PACRG: variants seen among roughly 807,000 people sequenced by gnomAD.
PACRG encodes parkin coregulated, also known as parkin coregulated gene protein.
A neutral mutation model predicts 29.7 loss-of-function variants in PACRG; 29 were observed. The observed-to-expected ratio is 0.98, with a 90% CI of 0.73 to 1.33. The LOEUF is 1.33. Ranked by LOEUF, PACRG falls within the 40% of genes most tolerant of loss-of-function variation. PACRG has a pLI of 0.00. For missense variants in PACRG, 279 were observed against 316.2 expected (o/e 0.88, Z 0.89); for synonymous variants, 116 against 118.7 (o/e 0.98, Z 0.15).
rs761629818 is a variant in PACRG at position 162,728,350 on chromosome 6, T to C, written c.115T>C (p.Ser39Pro). The C allele has an allele frequency of 6.2e-7, 1 of 1,613,840 alleles. No homozygotes were observed. Among genetic ancestry groups the C allele is most frequent in the Non-Finnish European group, 8.5e-7 (1 of 1,180,034 alleles). ...GGTGCACCAGCCTCACTCTCTGGTT[T>C]CTGAGGGTTTCACAGTCAAAGCCAT... ...LPVHQPHSLVSEGFTVKAMMK... is the reference protein window; with the variant it reads ...LPVHQPHSLVPEGFTVKAMMK... Residue 39 changes from serine to proline, a missense_variant, in exon 1 of 5, where the codon TCT becomes CCT. Ser to Pro is a moderately conservative substitution (Grantham distance 74). Coordinates refer to ENST00000366888, the MANE Select transcript of PACRG (RefSeq NM_001080379.2).
At chr6:162,815,861 G>A (rs1160280224) in intron 2 of PACRG, among the ~76,000 whole-genome samples, 2 of 152,008 alleles carry the variant, frequency 1.3e-5, no homozygotes, top group Non-Finnish European at 2.9e-5. Flanking sequence ...TTCCTGTTGA[G>A]TAAAATAATA....
chr6:162,892,955 C>T (rs1295501904), intron 2 of PACRG, among the ~76,000 whole-genome samples: 1 of 150,126 alleles, frequency 6.7e-6, no homozygotes, highest in Non-Finnish European at 1.5e-5. Flanking sequence ...AGAAGAACCA[C>T]CTCAGCCTCA....
At chr6:162,894,429 T>C (rs896224501) in intron 2 of PACRG, among the ~76,000 whole-genome samples, 1 of 152,246 alleles carries the variant, frequency 6.6e-6, no homozygotes, top group Non-Finnish European at 1.5e-5. Context: ...TTGATCATTG[T>C]ATCATTATTT....
chr6:163,151,367 AT>A (rs937382381), intron 4 of PACRG, among the ~76,000 whole-genome samples: 6 of 152,038 alleles, frequency 3.9e-5, no homozygotes, highest in African/African-American at 1.4e-4. Flanking sequence ...GTAGACTGGA[AT>A]GCCTCCCCCT....
intron 2 of PACRG, chr6:163,016,360 A>G (rs1397383624): frequency 6.6e-6 from 1 of 152,210 alleles, no homozygotes; most frequent in African/African-American, 2.4e-5. Flanking sequence ...CTCTGGGAAA[A>G]ATACAAAAAT....
At chr6:162,813,311 A>T (rs1267607878) in intron 1 of PACRG, among the ~76,000 whole-genome samples, 1 of 152,006 alleles carries the variant, frequency 6.6e-6, no homozygotes, top group African/African-American at 2.4e-5. Context: ...TTTTTTCAGT[A>T]AGCAGGGAAA....
chr6:163,269,785 A>ACAGACAGACAGGAAGGAAGGAAGG (rs1562349142), intron 4 of PACRG, among the ~76,000 whole-genome samples: 1 of 93,798 alleles, frequency 1.1e-5, no homozygotes, highest in African/African-American at 4.0e-5. Context: ...AGACAGACAG[A>ACAGACAGACAGGAAGGAAGGAAGG]AAGAAAGAAA....
At chr6:163,125,052 A>G (rs1318616022) in intron 4 of PACRG, among the ~76,000 whole-genome samples, 2 of 152,264 alleles carry the variant, frequency 1.3e-5, no homozygotes, top group Admixed American at 6.5e-5. Flanking sequence ...CAACGGAAGG[A>G]TAAGTCATAA....
intron 2 of PACRG, among the ~76,000 whole-genome samples, chr6:162,999,604 A>G (rs1409339807): frequency 1.3e-5 from 2 of 152,240 alleles, no homozygotes; most frequent in Middle Eastern, 3.2e-3. Flanking sequence ...GTATTTCCTT[A>G]ACATTTTAGT....
intron 2 of PACRG, among the ~76,000 whole-genome samples, chr6:162,998,550 T>C (rs1230544066): frequency 6.6e-6 from 1 of 152,232 alleles, no homozygotes; most frequent in Non-Finnish European, 1.5e-5. Flanking sequence ...CGTAGAAGTC[T>C]TTGTCCATTC....
chr6:163,042,107 T>C (rs1486124556), intron 2 of PACRG, among the ~76,000 whole-genome samples: 1 of 152,154 alleles, frequency 6.6e-6, no homozygotes, highest in African/African-American at 2.4e-5. Flanking sequence ...TCAGGTGATC[T>C]GCCCACCTCA....
intron 3 of PACRG, among the ~76,000 whole-genome samples, chr6:163,080,290 C>A (rs1253940854): frequency 6.6e-6 from 1 of 152,098 alleles, no homozygotes; most frequent in African/African-American, 2.4e-5. Flanking sequence ...GTCACCTTTT[C>A]AGTTTTCACC....
intron 4 of PACRG, among the ~76,000 whole-genome samples, chr6:163,177,259 A>G (rs1779406832): frequency 6.6e-6 from 1 of 152,212 alleles, no homozygotes; most frequent in Non-Finnish European, 1.5e-5. Flanking sequence ...GTAACTGGAA[A>G]TGTTAAACTG....
intron 1 of PACRG, among the ~76,000 whole-genome samples, chr6:162,763,873 C>T (rs917499420): frequency 8.0e-5 from 12 of 150,396 alleles, no homozygotes; most frequent in South Asian, 2.1e-4. Context: ...CAACTAAAGA[C>T]GGATATCAAA....
At chr6:163,042,588 G>A (rs148914166) in intron 2 of PACRG, 1 of 151,974 alleles carries the variant, frequency 6.6e-6, no homozygotes, top group Admixed American at 6.6e-5. Flanking sequence ...ATTATGACTT[G>A]AGATGTTTGT....
intron 4 of PACRG, among the ~76,000 whole-genome samples, chr6:163,272,966 A>C (rs1783893910): frequency 1.6e-5 from 2 of 122,330 alleles, no homozygotes; most frequent in South Asian, 2.8e-4. Context: ...ATCTCGGCTC[A>C]CTGCAAGCTC....
chr6:163,111,780 C>G (rs112652543), intron 4 of PACRG, among the ~76,000 whole-genome samples: 6 of 152,250 alleles, frequency 3.9e-5, no homozygotes, highest in African/African-American at 1.4e-4. Context: ...TATTTTTATT[C>G]TAAGTATATT....
At chr6:162,774,327 A>C (rs1463727817) in intron 1 of PACRG, among the ~76,000 whole-genome samples, 3 of 152,248 alleles carry the variant, frequency 2.0e-5, no homozygotes, top group African/African-American at 7.2e-5. Flanking sequence ...AAATCAACTT[A>C]GTAGGGAAAA....
At chr6:162,851,862 G>C (rs974259529) in intron 2 of PACRG, among the ~76,000 whole-genome samples, 12 of 151,792 alleles carry the variant, frequency 7.9e-5, no homozygotes. Flanking sequence ...TTGAAATGGT[G>C]TCCATCTACC....
Sources: allele counts gnomAD v4.1 joint callset (sites outside exome capture counted in the v4.1 genomes callset), GRCh38; gene constraint gnomAD v4.1.1; transcripts MANE v1.5; gene names NCBI Gene and HGNC (gene_info 2026-07-23, HGNC 2026-07-21).